The following NTM variants were observed in gnomAD, a reference collection of about 807,000 sequenced individuals.
The protein encoded by NTM is neurotrimin.
NTM carries 13 observed loss-of-function variants against 42.1 expected under a neutral mutation model. The observed-to-expected ratio is 0.31, with a 90% CI of 0.20 to 0.49. The LOEUF is 0.49. Among genes scored for constraint, NTM ranks in the 20% least tolerant of loss-of-function variants. The pLI is 0.99. For missense variants in NTM, 373 were observed against 452.8 expected, an observed-to-expected ratio of 0.82 and a Z score of 1.60; for synonymous variants, 187 against 179.2, an observed-to-expected ratio of 1.04 and a Z score of -0.35.
intron 1 of NTM, among the ~76,000 whole-genome samples, chr11:131,706,953 A>C (rs2076652073): frequency 6.6e-6 from 1 of 152,066 alleles, no homozygotes; most frequent in Non-Finnish European, 1.5e-5. Context: ...GCTAATTAAC[A>C]TATTTTAACC....
chr11:131,865,773 TACACACATGCTACAC>T, intron 1 of NTM, among the ~76,000 whole-genome samples: 1 of 145,756 alleles, frequency 6.9e-6, no homozygotes, highest in East Asian at 2.2e-4. Flanking sequence ...ACATGCTACA[TACACACATGCTACAC>T]ACACACCTCC....
chr11:131,461,578 T>C (rs1399028762), intron 1 of NTM, among the ~76,000 whole-genome samples: 2 of 152,144 alleles, frequency 1.3e-5, no homozygotes, highest in Non-Finnish European at 2.9e-5. Flanking sequence ...GGGCAAAGGA[T>C]ACAAACTTGT....
intron 2 of NTM, among the ~76,000 whole-genome samples, chr11:132,039,523 G>C (rs987309532): frequency 4.7e-5 from 7 of 149,538 alleles, no homozygotes; most frequent in Non-Finnish European, 8.9e-5. Context: ...TCTGTTTCCT[G>C]TCTGGATTCT....
At chr11:131,583,540 G>A (rs2058599466) in intron 1 of NTM, among the ~76,000 whole-genome samples, 1 of 152,148 alleles carries the variant, frequency 6.6e-6, no homozygotes, top group African/African-American at 2.4e-5. Context: ...CAATTCAGAA[G>A]AGTAATCGCG....
intron 2 of NTM, among the ~76,000 whole-genome samples, chr11:132,057,480 T>A (rs1333259167): frequency 1.3e-5 from 2 of 152,212 alleles, no homozygotes; most frequent in Admixed American, 1.3e-4. Flanking sequence ...TAAGAAAACA[T>A]CTTTGAAAAT....
At chr11:131,488,259 G>A (rs184181180) in intron 1 of NTM, among the ~76,000 whole-genome samples, 247 of 152,216 alleles carry the variant, frequency 1.6e-3, no homozygotes, top group African/African-American at 5.3e-3. Context: ...CTGCTTTTTC[G>A]TGGTGTCAGC....
intron 2 of NTM, among the ~76,000 whole-genome samples, chr11:132,046,442 G>A (rs888449267): frequency 6.6e-6 from 1 of 151,762 alleles, no homozygotes; most frequent in Admixed American, 6.6e-5. Flanking sequence ...TGGCCAATGG[G>A]GAAATCATAC....
At chr11:131,463,093 A>G (rs1951559246) in intron 1 of NTM, among the ~76,000 whole-genome samples, 1 of 152,242 alleles carries the variant, frequency 6.6e-6, no homozygotes, top group Non-Finnish European at 1.5e-5. Flanking sequence ...CCCTGAGGTC[A>G]GTGACTTTAC....
chr11:132,310,074 A>AG (rs1555085872), intron 5 of NTM, 38 bp from the exon 6 acceptor site: 3 of 1,504,906 alleles, frequency 2.0e-6, no homozygotes, highest in Non-Finnish European at 2.7e-6. Flanking sequence ...AAAAAAAAAA[A>AG]GGTGGGGGGG....
intron 1 of NTM, among the ~76,000 whole-genome samples, chr11:131,557,865 GTCAA>G (rs2055667132): frequency 6.6e-6 from 1 of 152,190 alleles, no homozygotes; most frequent in South Asian, 2.1e-4. Flanking sequence ...AAGCTCCAGA[GTCAA>G]TCATATAACT....
At chr11:131,729,378 G>A (rs1737764359) in intron 1 of NTM, among the ~76,000 whole-genome samples, 1 of 152,190 alleles carries the variant, frequency 6.6e-6, no homozygotes, top group Non-Finnish European at 1.5e-5. Flanking sequence ...TCGAAAACAA[G>A]AGTTGTTCTG....
At chr11:131,691,321 C>T (rs2074670421) in intron 1 of NTM, among the ~76,000 whole-genome samples, 1 of 152,208 alleles carries the variant, frequency 6.6e-6, no homozygotes, top group African/African-American at 2.4e-5. Flanking sequence ...GGAGTTCGCC[C>T]CTGTGGGTCT....
At chr11:132,127,118 C>T (rs2065972268) in intron 2 of NTM, among the ~76,000 whole-genome samples, 1 of 152,174 alleles carries the variant, frequency 6.6e-6, no homozygotes, top group African/African-American at 2.4e-5. Context: ...CCCAAAGTCC[C>T]TGAGCCTGAG....
At chr11:132,089,360 C>A (rs999140709) in intron 2 of NTM, among the ~76,000 whole-genome samples, 5 of 152,224 alleles carry the variant, frequency 3.3e-5, no homozygotes, top group Non-Finnish European at 7.3e-5. Context: ...CAGGATCTTG[C>A]TCCCACTTGT....
chr11:131,872,575 AG>A (rs2137095792), intron 1 of NTM, among the ~76,000 whole-genome samples: 1 of 152,328 alleles, frequency 6.6e-6, no homozygotes, highest in South Asian at 2.1e-4. Context: ...AGAAGCCCAA[AG>A]GAGTTGGTAT....
At chr11:131,606,221 TA>T (rs1166197943) in intron 1 of NTM, among the ~76,000 whole-genome samples, 1 of 152,084 alleles carries the variant, frequency 6.6e-6, no homozygotes, top group Non-Finnish European at 1.5e-5. Context: ...CTGGTGTATT[TA>T]AAAAAATTTG....
At chr11:132,143,885 A>T (rs1267319095) in intron 2 of NTM, among the ~76,000 whole-genome samples, 1 of 152,166 alleles carries the variant, frequency 6.6e-6, no homozygotes, top group East Asian at 1.9e-4. Context: ...TAGGTGTAGT[A>T]AGAGAGGTGC....
At chr11:131,695,698 G>A (rs2075361231) in intron 1 of NTM, among the ~76,000 whole-genome samples, 1 of 152,190 alleles carries the variant, frequency 6.6e-6, no homozygotes, top group African/African-American at 2.4e-5. Context: ...GGATGGAGCA[G>A]CGGGTCGGAT....
chr11:131,862,355 G>A (rs1272057676), intron 1 of NTM, among the ~76,000 whole-genome samples: 1 of 152,170 alleles, frequency 6.6e-6, no homozygotes, highest in Non-Finnish European at 1.5e-5. Flanking sequence ...AGACAAGATA[G>A]CAACTTCCTG....
Sources: gnomAD v4.1 joint callset for allele counts (sites outside exome capture counted in the v4.1 genomes callset) on GRCh38, gnomAD v4.1.1 for gene constraint, MANE v1.5 for transcripts, NCBI Gene and HGNC (gene_info 2026-07-23, HGNC 2026-07-21) for gene names.